The following SNRPE variants were observed in gnomAD, a reference collection of about 807,000 sequenced individuals.
SNRPE encodes small nuclear ribonucleoprotein polypeptide E.
For missense variants in SNRPE, 53 were observed against 111.6 expected (o/e 0.48, Z 2.36); for synonymous variants, 35 against 36.7 (o/e 0.95, Z 0.17).
chr1:203,868,966 G>A (rs1690151974), intron 4 of SNRPE, among the ~76,000 whole-genome samples: 1 of 152,192 alleles, frequency 6.6e-6, no homozygotes, highest in Non-Finnish European at 1.5e-5. Flanking sequence ...ACCATACCCA[G>A]CCGGGTTTTT....
intron 1 of SNRPE, 112 bp from the exon 2 acceptor site, chr1:203,862,084 C>T: frequency 2.4e-6 from 2 of 843,862 alleles, no homozygotes; most frequent in Non-Finnish European, 4.1e-6. Flanking sequence ...TGCGTAAGCA[C>T]CAGACCTCGC....
Position 203,865,596 on chromosome 1 carries a change from A to AAGTTC in SNRPE, c.223+488_223+492dup, listed in dbSNP as rs537862803. Reference sequence around the variant, plus strand: ...CAGTGGACATCAGCTCAGAGTCGTCAAGTTCAGTTCAGTTCTAACACTATC... The same window carrying AAGTTC: ...CAGTGGACATCAGCTCAGAGTCGTCAAGTTCAGTTCAGTTCAGTTCTAACACTATC... On this transcript the variant is annotated intron_variant, in intron 4 of 4. Transcript: ENST00000414487. 1.7e-3 allele frequency among the ~76,000 whole-genome samples: 258 copies of AAGTTC among 152,246 alleles called. 1 individual carries two copies. The highest frequency in any genetic ancestry group is 5.9e-3 in the African/African-American group (244 of 41,558).
intron 4 of SNRPE, 142 bp from the exon 5 acceptor site, chr1:203,869,735 C>A: frequency 1.6e-6 from 1 of 614,000 alleles, no homozygotes; most frequent in Non-Finnish European, 2.9e-6. Context: ...AAGCCTTTCA[C>A]TATATGGACA....
In SNRPE at chr1:203,870,057, A is replaced by G. The variant is rs1247639257; in HGVS notation, c.*125A>G. 1 of 577,168 alleles carries G rather than the reference A, an allele frequency of 1.7e-6. No individual in the cohort carries two copies. The highest frequency in any genetic ancestry group is 3.0e-6 in the Non-Finnish European group (1 of 338,386). The allele number at this position is 577,168 out of a possible 1,614,324, so 35.8% of individuals were successfully genotyped here. A position where few individuals can be genotyped will look rare whatever the true frequency, so the allele number is the denominator to read the frequency against. On this transcript the variant is annotated 3_prime_UTR_variant, in exon 5 of 5. Coordinates refer to ENST00000414487, the MANE Select transcript of SNRPE (RefSeq NM_003094.4). ...TCGTGTTACTACAAGATGGCAATAA[A>G]TACTATGGGATTGTTTGTATTAAAA...
chr1:203,862,251 T>G (rs1411858245), intron 2 of SNRPE, 29 bp downstream of exon 2: 1 of 1,532,478 alleles, frequency 6.5e-7, no homozygotes, highest in African/African-American at 1.4e-5. Context: ...TCGTAACTAC[T>G]TTTTAAATAA....
At chr1:203,862,976 C>G (rs1013993808) in intron 2 of SNRPE, among the ~76,000 whole-genome samples, 1 of 151,758 alleles carries the variant, frequency 6.6e-6, no homozygotes, top group Non-Finnish European at 1.5e-5. Flanking sequence ...AATATTGAGT[C>G]CCAAAATCAC....
Position 203,866,571 on chromosome 1 carries a change from T to TAA in SNRPE, c.223+1452_223+1453insAA, listed in dbSNP as rs1372541177. ...CAAACTCAATTCCAACTCACACTGT[T>TAA]TAGAGCTATTGTATTATTATTTCCT... On this transcript the variant is annotated intron_variant, in intron 4 of 4. Coordinates refer to ENST00000414487, the MANE Select transcript of SNRPE (RefSeq NM_003094.4). 2.6e-5 allele frequency among the ~76,000 whole-genome samples: 4 copies of TAA among 152,302 alleles called. No homozygotes were observed. The East Asian group carries it at 7.7e-4, about 29-fold the overall frequency.
intron 2 of SNRPE, 68 bp downstream of exon 2, chr1:203,862,290 A>G: frequency 9.2e-7 from 1 of 1,086,708 alleles, no homozygotes; most frequent in Non-Finnish European, 1.4e-6. Flanking sequence ...TTTTTGTGTT[A>G]ACCTGAGCGA....
intron 4 of SNRPE, among the ~76,000 whole-genome samples, chr1:203,865,912 G>T (rs976007809): frequency 6.6e-6 from 1 of 152,222 alleles, no homozygotes; most frequent in Non-Finnish European, 1.5e-5. Flanking sequence ...GAAGGGATGC[G>T]AAGCTTTTGT....
intron 2 of SNRPE, 60 bp downstream of exon 2, chr1:203,862,282 T>G: frequency 8.1e-7 from 1 of 1,230,910 alleles, no homozygotes; most frequent in Non-Finnish European, 1.2e-6. Context: ...GATTTAGTTT[T>G]TTGTGTTAAC....
chr1:203,864,946 G>T, intron 3 of SNRPE, 95 bp from the exon 4 acceptor site: 2 of 1,102,860 alleles, frequency 1.8e-6, no homozygotes, highest in Non-Finnish European at 2.4e-6. Context: ...GTGAATCTTT[G>T]AAGTTAGTTG....
chr1:203,867,258 C>T (rs1479571240), intron 4 of SNRPE, among the ~76,000 whole-genome samples: 10 of 136,648 alleles, frequency 7.3e-5, no homozygotes, highest in Admixed American at 3.1e-4. Flanking sequence ...CCAGCCTGGG[C>T]GACACAGCGA....
intron 4 of SNRPE, among the ~76,000 whole-genome samples, chr1:203,867,670 C>T (rs1690121283): frequency 6.6e-6 from 1 of 152,078 alleles, no homozygotes; most frequent in African/African-American, 2.4e-5. Flanking sequence ...GAGGCAGAGC[C>T]CAGGCGGGAA....
chr1:203,861,631 T>TGC lies in SNRPE; in HGVS notation c.-27_-26dup. 1 of 1,596,650 alleles carries TGC rather than the reference T, an allele frequency of 6.3e-7. No homozygotes were observed. Among genetic ancestry groups the TGC allele is most frequent in the Non-Finnish European group, 8.6e-7 (1 of 1,164,034 alleles). ...CCGGAAGTTGCTCTCAGAGGCAGCG[T>TGC]GCGGGTGTGCTCTTTGTGAAATTCC... is the stretch of plus-strand genomic sequence containing the variant. On this transcript the variant is annotated 5_prime_UTR_variant, in exon 1 of 5. Transcript: ENST00000414487.
chr1:203,865,074 G>T lies in SNRPE; in HGVS notation c.178G>T (p.Asp60Tyr). 1 of 1,612,710 alleles carries T rather than the reference G, an allele frequency of 6.2e-7. No homozygotes were observed. The highest frequency in any genetic ancestry group is 1.1e-5 in the South Asian group (1 of 90,938). The change falls in exon 4 of 5, where the codon GAT becomes TAT. Residue 60 changes from aspartate (D) to tyrosine (Y), a missense_variant. Coordinates refer to ENST00000414487, the MANE Select transcript of SNRPE (RefSeq NM_003094.4). Reference sequence around the variant, plus strand: ...TGAGTATATGAACCTTGTATTAGATGATGCAGAAGAGATTCATTCTAAAAC... The same window carrying T: ...TGAGTATATGAACCTTGTATTAGATTATGCAGAAGAGATTCATTCTAAAAC... The part of the protein sequence containing the change: ...FDEYMNLVLD[D>Y]AEEIHSKTKS...
Position 203,863,684 on chromosome 1 carries a change from C to T in SNRPE, c.103C>T (p.Leu35Phe), listed in dbSNP as rs1439940364. Residue 35 changes from leucine (L) to phenylalanine (F), a missense_variant, in exon 3 of 5, where the codon CTC becomes TTC. Coordinates refer to ENST00000414487, the MANE Select transcript of SNRPE (RefSeq NM_003094.4). The stretch of plus-strand genomic sequence containing the variant: ...TCAGAGATCGCGGATTCAGGTGTGG[C>T]TCTATGAGCAAGTGAATATGCGGAT... Reference protein sequence around the residue: ...LQNRSRIQVWLYEQVNMRIEG... With the variant: ...LQNRSRIQVWFYEQVNMRIEG... 6.2e-7 allele frequency: 1 copy of T among 1,611,216 alleles called. No individual in the cohort carries two copies. The highest frequency in any genetic ancestry group is 1.1e-5 in the South Asian group (1 of 91,014).
chr1:203,863,846 G>GTGC, intron 3 of SNRPE, 121 bp downstream of exon 3: 1 of 665,816 alleles, frequency 1.5e-6, no homozygotes, highest in South Asian at 2.1e-5. Flanking sequence ...AGTTTTTCAG[G>GTGC]TGCTGCTGTT....
intron 3 of SNRPE, 139 bp from the exon 4 acceptor site, chr1:203,864,900 AAC>A: frequency 2.1e-4 from 106 of 494,652 alleles, no homozygotes; most frequent in East Asian, 3.2e-4. Flanking sequence ...AAAAAAAAAA[AAC>A]TTTGGGTGGA....
intron 2 of SNRPE, among the ~76,000 whole-genome samples, chr1:203,862,442 C>G (rs1159112343): frequency 6.6e-6 from 1 of 152,168 alleles, no homozygotes; most frequent in Admixed American, 6.5e-5. Flanking sequence ...GTATCCATTA[C>G]TTTGCAAGAT....
Sources: allele counts gnomAD v4.1 joint callset (sites outside exome capture counted in the v4.1 genomes callset), GRCh38; gene constraint gnomAD v4.1.1; transcripts MANE v1.5; gene names NCBI Gene and HGNC (gene_info 2026-07-23, HGNC 2026-07-21).